TMEM259: variants seen among roughly 807,000 people sequenced by gnomAD.
TMEM259 encodes the protein membralin.
TMEM259 carries 26 observed loss-of-function variants against 46.7 expected under a neutral mutation model. That is an observed-to-expected ratio of 0.56 (90% CI 0.41 to 0.77). The LOEUF is 0.77. Ranked by LOEUF, TMEM259 falls within the 30% of genes least tolerant of loss-of-function variation. The probability of loss-of-function intolerance (pLI) is 0.00; values close to 1 mark genes in which losing one functional copy is unlikely to be tolerated. For synonymous variants in TMEM259, 494 were observed against 395.1 expected, an observed-to-expected ratio of 1.25 and a Z score of -2.97; for missense variants, 930 against 900.5, an observed-to-expected ratio of 1.03 and a Z score of -0.42.
rs1334486699 is a variant in TMEM259 at position 1,010,506 on chromosome 19, C to T, written c.1707G>A (p.Pro569=). ...ASLLERRPAS[P]LGPAGGLPHA... is the part of the protein sequence containing the mutation. Reference sequence around the variant, plus strand: ...GGGGGAGGCCCCCAGCAGGGCCCAGCGGGCTGGCTGGACGCCGCTCCAGGA... The same window carrying T: ...GGGGGAGGCCCCCAGCAGGGCCCAGTGGGCTGGCTGGACGCCGCTCCAGGA... The change falls in exon 11 of 11, where the codon CCG becomes CCA. Residue 569 remains proline (P), a synonymous_variant. Transcript: ENST00000356663. 3.2e-6 allele frequency: 5 copies of T among 1,547,036 alleles called. No individual in the cohort carries two copies. The highest frequency in any genetic ancestry group is 2.0e-5 in the Admixed American group (1 of 50,846).
chr19:1,019,495 G>A (rs1051224942), intron 1 of TMEM259, among the ~76,000 whole-genome samples: 1 of 152,240 alleles, frequency 6.6e-6, no homozygotes, highest in Non-Finnish European at 1.5e-5. Context: ...CCACTCTGGG[G>A]GGCTGCAGGG....
At position 1,014,420 on chromosome 19, in the gene TMEM259, C is replaced by T. The variant is rs758506328; in HGVS notation, c.279G>A (p.Ser93=). The change falls in exon 2 of 11, where the codon TCG becomes TCA. Residue 93 remains serine, a synonymous_variant. Coordinates refer to ENST00000356663, the MANE Select transcript of TMEM259 (RefSeq NM_001033026.2). ...LAYIHIVFSR[S]PINCLEHVRD... Reference sequence around the variant, plus strand: ...GCACATGCTCCAGGCAGTTGATGGGCGAGCGGGAGAAGACGATGTGGATGT... The same window carrying T: ...GCACATGCTCCAGGCAGTTGATGGGTGAGCGGGAGAAGACGATGTGGATGT... 2.0e-5 allele frequency: 33 copies of T among 1,612,240 alleles called. No homozygotes were observed. Among genetic ancestry groups the T allele is most frequent in the Middle Eastern group, 1.8e-4 (1 of 5,654 alleles).
At chr19:1,018,461 A>T (rs2039180500) in intron 1 of TMEM259, among the ~76,000 whole-genome samples, 1 of 152,160 alleles carries the variant, frequency 6.6e-6, no homozygotes, top group Non-Finnish European at 1.5e-5. Flanking sequence ...AGCTGCACAG[A>T]TGCCACAGGA....
Position 1,020,136 on chromosome 19 carries a change from G to C in TMEM259, c.225+636C>G, listed in dbSNP as rs984397070. Reference sequence around the variant, plus strand: ...GCCGGGGATGGGGTGGTACGCTGCTGCCGGTGACTTTGCCGCTAACCCTAG... The same window carrying C: ...GCCGGGGATGGGGTGGTACGCTGCTCCCGGTGACTTTGCCGCTAACCCTAG... On this transcript the variant is annotated intron_variant, in intron 1 of 10. Coordinates refer to ENST00000356663, the MANE Select transcript of TMEM259 (RefSeq NM_001033026.2). The surrounding 1 kb of genome is among the most constrained non-coding windows in gnomAD (Gnocchi z 4.0). Among the ~76,000 whole-genome samples the C allele has an allele frequency of 1.3e-5, 2 of 152,148 alleles. No homozygotes were observed. Among genetic ancestry groups the C allele is most frequent in the African/African-American group, 4.8e-5 (2 of 41,440 alleles).
Position 1,010,983 on chromosome 19 carries a change from C to T in TMEM259, c.1318-88G>A, listed in dbSNP as rs554493447. ...AGAGGGCAGCCCACCCGGGACCATC[C>T]ACGCTACCTCTGCCCGCTTGGGCCG... On this transcript the variant is annotated intron_variant, in intron 10 of 10. Coordinates refer to ENST00000356663, the MANE Select transcript of TMEM259 (RefSeq NM_001033026.2). The T allele has an allele frequency of 2.0e-5, 31 of 1,546,956 alleles. 1 individual carries two copies. The South Asian group carries it at 3.6e-4, about 18-fold the overall frequency.
In TMEM259 at chr19:1,015,849, T is replaced by A. The variant is rs543590470; in HGVS notation, c.226-1376A>T. On this transcript the variant is annotated intron_variant, in intron 1 of 10. Transcript: ENST00000356663. ...TCCACGCCCACAGTGAGCTGGGGCC[T>A]CCTCTCCAGAACCCTCTGTAGACTG... 2.0e-5 allele frequency among the ~76,000 whole-genome samples: 3 copies of A among 152,220 alleles called. No individual in the cohort carries two copies. The East Asian group carries it at 5.8e-4, about 29-fold the overall frequency.
At chr19:1,012,419 A>G in intron 4 of TMEM259, 44 bp downstream of exon 4, 1 of 1,540,412 alleles carries the variant, frequency 6.5e-7, no homozygotes, top group East Asian at 2.4e-5. Flanking sequence ...GGAGGAGGGG[A>G]GGCCCCGCCA....
rs112661283 is a variant in TMEM259, at chr19:1,011,507, G to A, written c.1085-8C>T. ...ACATGATGGCCTCCATCCCTGCAGGGAGAGGCGGCGCCGGTTGAAGCGGGC... is the reference window on the plus strand; with the variant it reads ...ACATGATGGCCTCCATCCCTGCAGGAAGAGGCGGCGCCGGTTGAAGCGGGC... On this transcript the variant is annotated splice_region_variant and splice_polypyrimidine_tract_variant and intron_variant, in intron 8 of 10. Coordinates refer to ENST00000356663, the MANE Select transcript of TMEM259 (RefSeq NM_001033026.2). The A allele has an allele frequency of 8.4e-5, 130 of 1,546,430 alleles. No individual in the cohort carries two copies. In the African/African-American group the frequency reaches 1.4e-3, roughly 16 times the overall value.
At chr19:1,016,355 C>T (rs1410113908) in intron 1 of TMEM259, among the ~76,000 whole-genome samples, 1 of 152,210 alleles carries the variant, frequency 6.6e-6, no homozygotes, top group Non-Finnish European at 1.5e-5. Context: ...ACAGGAGCCA[C>T]GGAGGCTGGG....
rs771506646 is a variant in TMEM259 at position 1,020,856 on chromosome 19, C to A, written c.141G>T (p.Ala47=). The change falls in exon 1 of 11, where the codon GCG becomes GCT. Residue 47 remains alanine, a synonymous_variant. Coordinates refer to ENST00000356663, the MANE Select transcript of TMEM259 (RefSeq NM_001033026.2). This position sits in a 1 kb window ranked among gnomAD's most constrained non-coding sequence, Gnocchi z 4.0. ...LINVRDRLFH[A]LFFKMAVTYS... ...AGGTGACAGCCATCTTGAAGAACAG[C>A]GCGTGGAAGAGCCGGTCGCGCACGT... is the stretch of plus-strand genomic sequence containing the variant. 13 of 1,359,362 alleles carry A rather than the reference C, an allele frequency of 9.6e-6. No individual in the cohort carries two copies. In the South Asian group the frequency reaches 2.5e-4, roughly 26 times the overall value. 84.2% of individuals were successfully genotyped at this position (1,359,362 alleles called of 1,614,324 possible).
intron 1 of TMEM259, chr19:1,017,441 C>G: frequency 2.5e-6 from 1 of 400,692 alleles, no homozygotes; most frequent in East Asian, 3.6e-5. Context: ...TTCCCACACG[C>G]TCTCCAGCTG....
In TMEM259 at chr19:1,011,394, G is replaced by C; in HGVS notation, c.1190C>G (p.Thr397Ser). ...ADQYDAICCH[T>S]STSKRHWLRF... is the part of the protein sequence containing the mutation. Reference sequence around the variant, plus strand: ...CAGCCAATGCCGCTTGCTGGTGCTGGTGTGGCAGCAGATGGCGTCATACTG... The same window carrying C: ...CAGCCAATGCCGCTTGCTGGTGCTGCTGTGGCAGCAGATGGCGTCATACTG... The change falls in exon 9 of 11, where the codon ACC (threonine) becomes AGC (serine). Residue 397 changes from threonine to serine, a missense_variant. Transcript: ENST00000356663. 1 of 1,568,132 alleles carries C rather than the reference G, an allele frequency of 6.4e-7. No homozygotes were observed. Among genetic ancestry groups the C allele is most frequent in the Non-Finnish European group, 8.6e-7 (1 of 1,158,948 alleles).
rs2039274924 is a variant in TMEM259 at position 1,020,928 on chromosome 19, G to C, written c.69C>G (p.Pro23=). The part of the protein sequence containing the change: ...GPNGGGGGPA[P]ARGPRTPNLN... ...GATTGGGGGTGCGAGGCCCGCGCGC[G>C]GGGGCCGGGCCGCCGCCGCCGCCGT... is the stretch of plus-strand genomic sequence containing the variant. The change falls in exon 1 of 11, where the codon CCC becomes CCG. Residue 23 remains proline (P), a synonymous_variant. Coordinates refer to ENST00000356663, the MANE Select transcript of TMEM259 (RefSeq NM_001033026.2). The surrounding 1 kb of genome is among the most constrained non-coding windows in gnomAD (Gnocchi z 4.0). The C allele has an allele frequency of 3.2e-6, 4 of 1,266,698 alleles. No homozygotes were observed. In the South Asian group the frequency reaches 1.1e-4, roughly 34 times the overall value. 78.5% of individuals were successfully genotyped at this position (1,266,698 alleles called of 1,614,324 possible).
intron 1 of TMEM259, among the ~76,000 whole-genome samples, chr19:1,017,799 C>T (rs1429267757): frequency 2.6e-5 from 4 of 152,148 alleles, no homozygotes; most frequent in Admixed American, 2.0e-4. Context: ...CGCGGAGCCA[C>T]ACTCTCCTCC....
intron 1 of TMEM259, among the ~76,000 whole-genome samples, chr19:1,015,112 C>T (rs1030587756): frequency 5.3e-5 from 8 of 152,354 alleles, no homozygotes; most frequent in South Asian, 4.1e-4. Context: ...CCTGGCGGGG[C>T]GCCCTGTGCA....
In TMEM259 at chr19:1,014,269, G is replaced by T. The variant is rs916154549; in HGVS notation, c.430C>A (p.Pro144Thr). 1.9e-6 allele frequency: 3 copies of T among 1,613,046 alleles called. No individual in the cohort carries two copies. Among genetic ancestry groups the T allele is most frequent in the African/African-American group, 2.7e-5 (2 of 74,936 alleles). The change falls in exon 2 of 11, where the codon CCA becomes ACA. Residue 144 changes from proline (P) to threonine (T), a missense_variant. Coordinates refer to ENST00000356663, the MANE Select transcript of TMEM259 (RefSeq NM_001033026.2). ...TCTTCCATGTCCAGGTTGCTGCCTG[G>T]TTCCACGGCCAGGCCCGGGAAGCTC... ...RGSFPGLAVE[P>T]GSNLDMEDEE...
chr19:1,015,159 G>A (rs1318647094), intron 1 of TMEM259, among the ~76,000 whole-genome samples: 2 of 152,214 alleles, frequency 1.3e-5, no homozygotes, highest in Admixed American at 1.3e-4. Flanking sequence ...CGCAGCTGCT[G>A]GGGACACAGT....
Position 1,012,004 on chromosome 19 carries a change from G to A in TMEM259, c.842-12C>T, listed in dbSNP as rs1052602516. On this transcript the variant is annotated splice_polypyrimidine_tract_variant and intron_variant, in intron 5 of 10. Transcript: ENST00000356663. ...ATTCCGCAGGAAGCCTGCAGCAGAA[G>A]GAGCCGTGAGCGCCCGCCCCCACCC... The A allele has an allele frequency of 6.2e-7, 1 of 1,611,888 alleles. No homozygotes were observed. Among genetic ancestry groups the A allele is most frequent in the South Asian group, 1.1e-5 (1 of 91,032 alleles).
At position 1,010,725 on chromosome 19, in the gene TMEM259, G is replaced by A. The variant is rs756897645; in HGVS notation, c.1488C>T (p.Ala496=). The A allele has an allele frequency of 1.2e-5, 19 of 1,528,808 alleles. No individual in the cohort carries two copies. The highest frequency in any genetic ancestry group is 4.8e-5 in the South Asian group (4 of 83,736). 94.7% of individuals were successfully genotyped at this position (1,528,808 alleles called of 1,614,324 possible). ...CGGGGCCCAGGGCGGGGGGCTGGCC[G>A]GCAGAGTCAGGGGCTGTAGCCGGGG... ...SGAPATAPDS[A]GQPPALGPVS... is the part of the protein sequence containing the mutation. Residue 496 remains alanine (A), a synonymous_variant, in exon 11 of 11, where the codon GCC becomes GCT. Coordinates refer to ENST00000356663, the MANE Select transcript of TMEM259 (RefSeq NM_001033026.2).
Sources: gnomAD v4.1 joint callset for allele counts (sites outside exome capture counted in the v4.1 genomes callset) on GRCh38, gnomAD v4.1.1 for gene constraint, Gnocchi (gnomAD v3.1) non-coding constraint, MANE v1.5 for transcripts, NCBI Gene and HGNC (gene_info 2026-07-23, HGNC 2026-07-21) for gene names.